Variants in TYW1 observed in about 807,000 individuals in gnomAD.
TYW1 encodes the protein S-adenosyl-L-methionine-dependent tRNA 4-demethylwyosine synthase TYW1.
Under a neutral mutation model 96.2 loss-of-function variants are expected in TYW1, and 46 were observed. The ratio of observed to expected loss-of-function variants is 0.48; its 90% CI spans 0.38 to 0.61. The LOEUF is 0.61. Among genes scored for constraint, TYW1 ranks in the 20% least tolerant of loss-of-function variants. The pLI is 0.00. For missense variants in TYW1, 684 were observed against 909.6 expected, an observed-to-expected ratio of 0.75 and a Z score of 3.19; for synonymous variants, 274 against 323.0, an observed-to-expected ratio of 0.85 and a Z score of 1.63.
chr7:67,173,341 G>A (rs2690169), intron 13 of TYW1, among the ~76,000 whole-genome samples: 356 of 151,936 alleles, frequency 2.3e-3, no homozygotes, highest in Admixed American at 4.5e-3. Context: ...GCAACATCCC[G>A]AATTTGGCTG....
At chr7:67,218,094 G>C (rs1166119804) in intron 15 of TYW1, among the ~76,000 whole-genome samples, 1 of 151,364 alleles carries the variant, frequency 6.6e-6, no homozygotes, top group Non-Finnish European at 1.5e-5. Context: ...CCTGACCTTA[G>C]GTGATCTCCC....
chr7:67,051,732 GTTTTTTTT>G (rs201852688), intron 8 of TYW1, among the ~76,000 whole-genome samples: 6 of 123,960 alleles, frequency 4.8e-5, no homozygotes, highest in Non-Finnish European at 8.8e-5. Flanking sequence ...TTGTTTTTTT[GTTTTTTTT>G]TTTTTTTCTA....
At chr7:67,119,320 C>G (rs1584585162) in intron 13 of TYW1, among the ~76,000 whole-genome samples, 1 of 151,984 alleles carries the variant, frequency 6.6e-6, no homozygotes, top group East Asian at 1.9e-4. Flanking sequence ...AGTCACTGTC[C>G]CAGAAAACTT....
intron 13 of TYW1, among the ~76,000 whole-genome samples, chr7:67,121,961 A>G (rs527666922): frequency 1.4e-5 from 2 of 140,398 alleles, no homozygotes; most frequent in Non-Finnish European, 1.5e-5. Flanking sequence ...GTTAACTTCA[A>G]TTTCTGTCCG....
chr7:67,163,960 C>T lies in TYW1; in HGVS notation c.1699-19166C>T, dbSNP rs1189034104. Among the ~76,000 whole-genome samples the T allele has an allele frequency of 5.3e-5, 8 of 152,138 alleles. No homozygotes were observed. The East Asian group carries it at 7.7e-4, about 15-fold the overall frequency. On this transcript the variant is annotated intron_variant, in intron 13 of 15. Coordinates refer to ENST00000359626, the MANE Select transcript of TYW1 (RefSeq NM_018264.4). Reference sequence around the variant, plus strand: ...CTGGGATTACAAGCGTAAACCACCACGCCTGGCAGAGCAGGAGAGTTTTAA... The same window carrying T: ...CTGGGATTACAAGCGTAAACCACCATGCCTGGCAGAGCAGGAGAGTTTTAA...
chr7:67,024,064 G>T (rs1443458837), intron 6 of TYW1, among the ~76,000 whole-genome samples: 5 of 152,028 alleles, frequency 3.3e-5, no homozygotes, highest in Non-Finnish European at 7.3e-5. Flanking sequence ...TATGTGTCTC[G>T]TTCCCCTGAG....
At chr7:67,027,687 T>A (rs1200939629) in intron 7 of TYW1, among the ~76,000 whole-genome samples, 1 of 151,984 alleles carries the variant, frequency 6.6e-6, no homozygotes, top group Non-Finnish European at 1.5e-5. Flanking sequence ...TTCCAGCACT[T>A]TGGGAGGTCG....
At chr7:67,099,205 A>AT (rs1797014466) in intron 12 of TYW1, among the ~76,000 whole-genome samples, 1 of 151,246 alleles carries the variant, frequency 6.6e-6, no homozygotes, top group African/African-American at 2.4e-5. Flanking sequence ...TTTTTATTTT[A>AT]TTTTTTAATA....
At chr7:67,191,112 G>C (rs1277470432) in intron 14 of TYW1, among the ~76,000 whole-genome samples, 1 of 152,236 alleles carries the variant, frequency 6.6e-6, no homozygotes, top group African/African-American at 2.4e-5. Context: ...GCCACAGGCT[G>C]CTTTCAGTCA....
intron 13 of TYW1, among the ~76,000 whole-genome samples, chr7:67,171,199 T>C (rs573942994): frequency 5.8e-4 from 88 of 152,248 alleles, no homozygotes; most frequent in African/African-American, 2.0e-3. Flanking sequence ...TTCATAGTAT[T>C]TTCTTATAAT....
chr7:67,014,003 A>G (rs893020704), intron 4 of TYW1, among the ~76,000 whole-genome samples: 7 of 152,026 alleles, frequency 4.6e-5, no homozygotes, highest in Non-Finnish European at 7.4e-5. Flanking sequence ...TCAGCCTCCC[A>G]AAGTGCTGGG....
At chr7:67,120,402 T>C (rs747723359) in intron 13 of TYW1, among the ~76,000 whole-genome samples, 7 of 152,152 alleles carry the variant, frequency 4.6e-5, no homozygotes, top group Non-Finnish European at 1.0e-4. Context: ...AAAGAATGAA[T>C]GGGTGGAAAC....
chr7:67,220,440 T>C (rs538890184), intron 15 of TYW1, among the ~76,000 whole-genome samples: 2,368 of 152,202 alleles, frequency 0.016, 31 homozygotes, highest in Admixed American at 0.044. Context: ...CCTGACCTCG[T>C]GATCCGCCTG....
intron 4 of TYW1, among the ~76,000 whole-genome samples, chr7:67,011,828 G>A (rs1198253889): frequency 1.3e-5 from 2 of 149,918 alleles, no homozygotes; most frequent in African/African-American, 4.9e-5. Context: ...AGCCAAGATC[G>A]TGCCATTGCC....
At chr7:67,132,407 GCCTAT>G (rs1334428957) in intron 13 of TYW1, among the ~76,000 whole-genome samples, 1 of 151,968 alleles carries the variant, frequency 6.6e-6, no homozygotes, top group Non-Finnish European at 1.5e-5. Flanking sequence ...ACTGCTCCTG[GCCTAT>G]CATTCCATAT....
At chr7:67,056,976 G>A (rs1343541894) in intron 9 of TYW1, among the ~76,000 whole-genome samples, 1 of 149,724 alleles carries the variant, frequency 6.7e-6, no homozygotes, top group Non-Finnish European at 1.5e-5. Context: ...TTTCATGGTT[G>A]TGAAGTGGTT....
At chr7:67,037,829 T>C (rs73134219) in intron 7 of TYW1, among the ~76,000 whole-genome samples, 9,632 of 152,226 alleles carry the variant, frequency 0.063, 423 homozygotes, top group South Asian at 0.12. Flanking sequence ...AAAAATACTG[T>C]GATGAATATA....
intron 10 of TYW1, among the ~76,000 whole-genome samples, chr7:67,081,487 T>C (rs117050152): frequency 0.016 from 2,423 of 151,668 alleles, 32 homozygotes; most frequent in Admixed American, 0.044. Flanking sequence ...TGTCCATATC[T>C]CTCCCCAAAT....
chr7:67,017,844 T>C lies in TYW1; in HGVS notation c.571-9T>C. ...CCGTGCTTTTAGCCTATCTATCTTT[T>C]CCTCACAGGTTGGCAAAAATGTTGA... On this transcript the variant is annotated splice_polypyrimidine_tract_variant and intron_variant, in intron 5 of 15. Coordinates refer to ENST00000359626, the MANE Select transcript of TYW1 (RefSeq NM_018264.4). The C allele has an allele frequency of 6.2e-7, 1 of 1,608,260 alleles. No homozygotes were observed. Among genetic ancestry groups the C allele is most frequent in the Non-Finnish European group, 8.5e-7 (1 of 1,175,616 alleles).
Sources: allele counts gnomAD v4.1 joint callset (sites outside exome capture counted in the v4.1 genomes callset), GRCh38; gene constraint gnomAD v4.1.1; transcripts MANE v1.5; gene names NCBI Gene and HGNC (gene_info 2026-07-23, HGNC 2026-07-21).